SFTPB: variants seen among roughly 807,000 people sequenced by gnomAD.
The protein encoded by SFTPB is surfactant protein B, also known as pulmonary surfactant-associated protein B.
SFTPB carries 32 observed loss-of-function variants against 51.0 expected under a neutral mutation model. That is an observed-to-expected ratio of 0.63 (90% CI 0.47 to 0.84). The LOEUF (loss-of-function observed/expected upper bound fraction) is 0.84. Among genes scored for constraint, SFTPB ranks in the 40% least tolerant of loss-of-function variants. The pLI is 0.00. For missense variants in SFTPB, 431 were observed against 491.2 expected (o/e 0.88, Z 1.16); for synonymous variants, 211 against 208.5 (o/e 1.01, Z -0.10).
rs1677342523 is a variant in SFTPB at position 85,662,207 on chromosome 2, C to T, written c.1003-98G>A. The T allele has an allele frequency of 1.2e-5, 19 of 1,540,020 alleles. No individual in the cohort carries two copies. In the South Asian group the frequency reaches 2.2e-4, roughly 17 times the overall value. On this transcript the variant is annotated intron_variant, in intron 8 of 10. Coordinates refer to ENST00000519937, the MANE Select transcript of SFTPB (RefSeq NM_000542.5). ...ACATCTCTGGATCACTCTAGGGCTCCCTCCCGACTCCTCCATCAGCCCTCA... is the reference window on the plus strand; with the variant it reads ...ACATCTCTGGATCACTCTAGGGCTCTCTCCCGACTCCTCCATCAGCCCTCA...
At chr2:85,661,348 G>T (rs184713280) in intron 10 of SFTPB, 106 bp downstream of exon 10, 4 of 766,952 alleles carry the variant, frequency 5.2e-6, no homozygotes, top group African/African-American at 5.2e-5. Context: ...TGGAGCAGCC[G>T]GCAGGAGTGG....
chr2:85,665,493 G>T, intron 5 of SFTPB, 113 bp downstream of exon 5: 1 of 1,455,772 alleles, frequency 6.9e-7, no homozygotes, highest in Non-Finnish European at 9.6e-7. Context: ...CCTGCCTGGA[G>T]CTTCCTATCA....
intron 8 of SFTPB, 34 bp downstream of exon 8, chr2:85,663,312 C>G: frequency 6.2e-7 from 1 of 1,605,542 alleles, no homozygotes; most frequent in Non-Finnish European, 8.5e-7. Context: ...TTGAACGGGC[C>G]CTGACCATGA....
At position 85,666,632 on chromosome 2, in the gene SFTPB, G is replaced by A; in HGVS notation, c.378C>T (p.Tyr126=). The A allele has an allele frequency of 6.2e-7, 1 of 1,613,646 alleles. No individual in the cohort carries two copies. Among genetic ancestry groups the A allele is most frequent in the East Asian group, 2.2e-5 (1 of 44,862 alleles). The change falls in exon 4 of 11, where the codon TAC becomes TAT. Residue 126 remains tyrosine (Y), a synonymous_variant. Transcript: ENST00000519937. The part of the protein sequence containing the change: ...LDDYFPLVID[Y]FQNQTDSNGI... ...CAGCCCTCACAGTCTGGTTCTGGAA[G>A]TAGTCGATGACCAGGGGGAAGTAGT...
rs34757227 is a variant in SFTPB, at chr2:85,662,163, G to A, written c.1003-54C>T. On this transcript the variant is annotated intron_variant, in intron 8 of 10. Coordinates refer to ENST00000519937, the MANE Select transcript of SFTPB (RefSeq NM_000542.5). ...GGTCCCTTTGCAGGACTCTCCTGTC[G>A]TGTGGTCCTGGCCTCTCCACATCTC... The A allele has an allele frequency of 1.5e-3, 2,350 of 1,563,866 alleles. 22 individuals carry two copies. In the African/African-American group the frequency reaches 0.027, roughly 18 times the overall value.
intron 10 of SFTPB, among the ~76,000 whole-genome samples, chr2:85,660,444 C>CTT (rs67187198): frequency 0.062 from 6,044 of 97,440 alleles, 1,097 homozygotes; most frequent in African/African-American, 0.27. Context: ...AAAGAAATAC[C>CTT]TTTTTTTTTT....
At chr2:85,666,169 GGTGTGTGT>G (rs56132282) in intron 4 of SFTPB, among the ~76,000 whole-genome samples, 1 of 146,104 alleles carries the variant, frequency 6.8e-6, no homozygotes, top group East Asian at 2.0e-4. Context: ...TTGTGGACAG[GGTGTGTGT>G]GTGTGTGTGT....
At chr2:85,662,512 G>T (rs1356609634) in intron 8 of SFTPB, among the ~76,000 whole-genome samples, 3 of 152,180 alleles carry the variant, frequency 2.0e-5, no homozygotes, top group African/African-American at 7.2e-5. Flanking sequence ...AAGAGCATCA[G>T]CTGGCTTTCC....
At chr2:85,664,735 C>T (rs1227409547) in intron 6 of SFTPB, among the ~76,000 whole-genome samples, 1 of 152,244 alleles carries the variant, frequency 6.6e-6, no homozygotes, top group Non-Finnish European at 1.5e-5. Flanking sequence ...CACCTGCTGC[C>T]TTGTGCCCCT....
At chr2:85,665,021 T>G (rs1677501806) in intron 6 of SFTPB, among the ~76,000 whole-genome samples, 1 of 152,200 alleles carries the variant, frequency 6.6e-6, no homozygotes, top group Non-Finnish European at 1.5e-5. Flanking sequence ...GTCTTGTCCG[T>G]TTTTGTACTT....
chr2:85,663,388 T>C lies in SFTPB; in HGVS notation c.960A>G (p.Ala320=), dbSNP rs772126727. The C allele has an allele frequency of 1.2e-6, 2 of 1,613,602 alleles. No homozygotes were observed. Among genetic ancestry groups the C allele is most frequent in the Non-Finnish European group, 1.7e-6 (2 of 1,180,032 alleles). Residue 320 remains alanine (A), a synonymous_variant, in exon 8 of 11, where the codon GCA becomes GCG. Transcript: ENST00000519937. ...GNSSEQAIPQ[A]MLQACVGSWL... ...AGGAGCCAACACAGGCCTGGAGCAT[T>C]GCCTGTGGTATGGCCTGCTCGCTGC... is the stretch of plus-strand genomic sequence containing the variant.
chr2:85,661,311 C>A, intron 10 of SFTPB, 143 bp downstream of exon 10: 1 of 617,870 alleles, frequency 1.6e-6, no homozygotes. Context: ...CCCTCAGGAG[C>A]CTCCAGCTGT....
chr2:85,667,682 T>C lies in SFTPB; in HGVS notation c.192A>G (p.Gly64=). Residue 64 remains glycine (G), a synonymous_variant, in exon 2 of 11, where the codon GGA becomes GGG. Transcript: ENST00000519937. The part of the protein sequence containing the change: ...HCLQEVWGHV[G]ADDLCQECED... ...ATGCATCCTTGGTGGTACTCACGGC[T>C]CCCACATGTCCCCAGACTTCCTGTA... The C allele has an allele frequency of 6.2e-7, 1 of 1,614,230 alleles. No individual in the cohort carries two copies. The highest frequency in any genetic ancestry group is 8.5e-7 in the Non-Finnish European group (1 of 1,180,046).
At chr2:85,667,460 T>TCCATC (rs1677708786) in intron 2 of SFTPB, among the ~76,000 whole-genome samples, 1 of 148,992 alleles carries the variant, frequency 6.7e-6, no homozygotes, top group Non-Finnish European at 1.5e-5. Context: ...TCCCCTCCCA[T>TCCATC]CCATCCCATC....
chr2:85,666,642 A>AC lies in SFTPB; in HGVS notation c.367dup (p.Val123GlyfsTer10). ...AGTCTGGTTCTGGAAGTAGTCGATG[A>AC]CCAGGGGGAAGTAGTCGTCAAGCAC... On this transcript the variant is annotated frameshift_variant, in exon 4 of 11. Transcript: ENST00000519937. LOFTEE classifies it high-confidence loss of function. 6.2e-7 allele frequency: 1 copy of AC among 1,613,644 alleles called. No individual in the cohort carries two copies. The highest frequency in any genetic ancestry group is 1.1e-5 in the South Asian group (1 of 91,084).
intron 5 of SFTPB, 91 bp from the exon 6 acceptor site, chr2:85,665,469 C>T (rs1677526220): frequency 2.1e-6 from 3 of 1,442,524 alleles, no homozygotes; most frequent in Non-Finnish European, 2.9e-6. Context: ...CTTTCTCTCC[C>T]TCCTCCCTTA....
intron 10 of SFTPB, chr2:85,661,248 CG>C (rs1337002383): frequency 2.6e-5 from 12 of 467,610 alleles, no homozygotes; most frequent in Non-Finnish European, 3.2e-5. Context: ...GGGTTCTGGG[CG>C]GGGCAGTGCT....
intron 3 of SFTPB, 86 bp downstream of exon 3, chr2:85,667,020 T>A: frequency 8.0e-7 from 1 of 1,250,910 alleles, no homozygotes; most frequent in Admixed American, 1.8e-5. Context: ...AGCCTGGAAA[T>A]GGCCCCTTTA....
At chr2:85,661,575 C>T (rs764091759) in intron 9 of SFTPB, 40 bp from the exon 10 acceptor site, 3 of 1,540,590 alleles carry the variant, frequency 1.9e-6, no homozygotes, top group African/African-American at 1.4e-5. Context: ...CCTGGGCCCC[C>T]TCAGCTCCCC....
Sources: allele counts gnomAD v4.1 joint callset (sites outside exome capture counted in the v4.1 genomes callset), GRCh38; gene constraint gnomAD v4.1.1; transcripts MANE v1.5; gene names NCBI Gene and HGNC (gene_info 2026-07-23, HGNC 2026-07-21).